The following KCNB2 variants were observed in gnomAD, a reference collection of about 807,000 sequenced individuals.
The protein encoded by KCNB2 is delayed rectifier potassium channel protein.
A neutral mutation model predicts 61.5 loss-of-function variants in KCNB2; 15 were observed. The ratio of observed to expected loss-of-function variants is 0.24; its 90% CI spans 0.16 to 0.38. The LOEUF (loss-of-function observed/expected upper bound fraction) is 0.38. KCNB2 is among the 10% of genes least tolerant of loss of function. The pLI is 1.00. For missense variants in KCNB2, 828 were observed against 1,125.2 expected, an observed-to-expected ratio of 0.74 and a Z score of 3.78; for synonymous variants, 457 against 446.0, an observed-to-expected ratio of 1.02 and a Z score of -0.31.
In KCNB2 at chr8:72,537,415, C is replaced by T. The variant is rs927951069; in HGVS notation, c.-564C>T. 2 of 153,030 alleles carry T rather than the reference C, an allele frequency of 1.3e-5. No homozygotes were observed. Among genetic ancestry groups the T allele is most frequent in the Non-Finnish European group, 2.9e-5 (2 of 68,284 alleles). 9.5% of individuals were successfully genotyped at this position (153,030 alleles called of 1,614,324 possible). On this transcript the variant is annotated 5_prime_UTR_variant, in exon 1 of 3. Coordinates refer to ENST00000523207, the MANE Select transcript of KCNB2 (RefSeq NM_004770.3). ...CCGCCGCCGCTGCGCCTCGGGCAGC[C>T]CCAGCGAGCGGCAACTCCCGGGCTG...
intron 1 of KCNB2, among the ~76,000 whole-genome samples, chr8:72,550,199 A>G (rs1416461860): frequency 1.3e-5 from 2 of 152,252 alleles, no homozygotes; most frequent in African/African-American, 2.4e-5. Flanking sequence ...GGCACTTGCC[A>G]GTAATAGCCA....
At position 72,621,895 on chromosome 8, in the gene KCNB2, T is replaced by G. The variant is rs544461821; in HGVS notation, c.579+53582T>G. Among the ~76,000 whole-genome samples the G allele has an allele frequency of 4.6e-5, 7 of 152,366 alleles. 1 individual carries two copies. Among genetic ancestry groups the G allele is most frequent in the African/African-American group, 1.7e-4 (7 of 41,592 alleles). ...GGTCTTCATACATCTCATAAGTGTT[T>G]GTAGTATTCATGTAACCTCAAGCAT... On this transcript the variant is annotated intron_variant, in intron 2 of 2. Transcript: ENST00000523207.
chr8:72,842,960 T>C (rs779024463), intron 2 of KCNB2, among the ~76,000 whole-genome samples: 9 of 152,210 alleles, frequency 5.9e-5, no homozygotes, highest in Non-Finnish European at 1.2e-4. Flanking sequence ...ATCTTAGTTA[T>C]TATTTGCCTT....
rs573600217 is a variant in KCNB2, at chr8:72,649,200, G to C, written c.579+80887G>C. 4.6e-5 allele frequency among the ~76,000 whole-genome samples: 7 copies of C among 152,154 alleles called. 1 individual carries two copies. Among genetic ancestry groups the C allele is most frequent in the Admixed American group, 3.9e-4 (6 of 15,270 alleles). On this transcript the variant is annotated intron_variant, in intron 2 of 2. Transcript: ENST00000523207. ...GACATCTTCTCACTCATAGCTTTCA[G>C]AACTTTTTCACTTTGGATTTATGGA...
intron 2 of KCNB2, among the ~76,000 whole-genome samples, chr8:72,867,084 G>A (rs1404433085): frequency 6.6e-6 from 1 of 152,168 alleles, no homozygotes; most frequent in African/African-American, 2.4e-5. Context: ...CATATAGTAG[G>A]AGTTTAATAA....
intron 2 of KCNB2, among the ~76,000 whole-genome samples, chr8:72,688,504 A>G (rs1806890895): frequency 1.3e-5 from 2 of 152,046 alleles, no homozygotes; most frequent in South Asian, 4.2e-4. Context: ...CCTTCATGAT[A>G]GTATTCACCA....
intron 2 of KCNB2, among the ~76,000 whole-genome samples, chr8:72,607,093 A>C (rs1585780862): frequency 6.6e-6 from 1 of 152,130 alleles, no homozygotes; most frequent in South Asian, 2.1e-4. Context: ...AGAACTGGGT[A>C]CCTGCCTCAA....
At chr8:72,691,886 TG>T in intron 2 of KCNB2, among the ~76,000 whole-genome samples, 1 of 152,308 alleles carries the variant, frequency 6.6e-6, no homozygotes, top group Non-Finnish European at 1.5e-5. Context: ...AATACAGAAA[TG>T]GGCAGTAAGC....
rs527413188 is a variant in KCNB2 at position 72,565,376 on chromosome 8, G to C, written c.-93-2266G>C. On this transcript the variant is annotated intron_variant, in intron 1 of 2. Transcript: ENST00000523207. The stretch of plus-strand genomic sequence containing the variant: ...AGAAATTGGTGTGTATCCTAGAAGA[G>C]AGTTCTAATTATAAGGACCTCTTAA... 8.5e-5 allele frequency among the ~76,000 whole-genome samples: 13 copies of C among 152,256 alleles called. No individual in the cohort carries two copies. In the South Asian group the frequency reaches 2.7e-3, roughly 32 times the overall value.
At chr8:72,932,820 T>A (rs1374721131) in intron 2 of KCNB2, among the ~76,000 whole-genome samples, 1 of 152,166 alleles carries the variant, frequency 6.6e-6, no homozygotes, top group African/African-American at 2.4e-5. Flanking sequence ...AAGCAAAATT[T>A]CACATTTATT....
chr8:72,771,943 G>C (rs1166494161), intron 2 of KCNB2, among the ~76,000 whole-genome samples: 1 of 152,120 alleles, frequency 6.6e-6, no homozygotes, highest in African/African-American at 2.4e-5. Flanking sequence ...AGATTCCATG[G>C]AAAGCCACAG....
chr8:72,794,825 T>C (rs1329162374), intron 2 of KCNB2, among the ~76,000 whole-genome samples: 2 of 152,180 alleles, frequency 1.3e-5, no homozygotes, highest in East Asian at 1.9e-4. Context: ...GTCATTGAGA[T>C]GGCTTAAGAG....
chr8:72,552,087 G>A (rs908599516), intron 1 of KCNB2, among the ~76,000 whole-genome samples: 1 of 152,076 alleles, frequency 6.6e-6, no homozygotes, highest in Non-Finnish European at 1.5e-5. Flanking sequence ...TTCTTGACAA[G>A]GACCAAGATG....
chr8:72,916,159 AATG>A (rs1324240253), intron 2 of KCNB2, among the ~76,000 whole-genome samples: 1 of 152,194 alleles, frequency 6.6e-6, no homozygotes, highest in Admixed American at 6.5e-5. Flanking sequence ...TTGTGCAAAA[AATG>A]ATATTAATTT....
At chr8:72,839,893 G>A (rs1030351429) in intron 2 of KCNB2, among the ~76,000 whole-genome samples, 4 of 151,696 alleles carry the variant, frequency 2.6e-5, no homozygotes, top group Non-Finnish European at 5.9e-5. Context: ...GATTACAGGC[G>A]TGAGCCACCG....
intron 2 of KCNB2, among the ~76,000 whole-genome samples, chr8:72,809,743 A>G (rs1255110877): frequency 1.3e-5 from 2 of 152,196 alleles, no homozygotes; most frequent in Admixed American, 6.5e-5. Context: ...TATACCATGG[A>G]TGGAATCAGA....
chr8:72,920,081 ATT>A (rs1273822248), intron 2 of KCNB2, among the ~76,000 whole-genome samples: 1 of 152,146 alleles, frequency 6.6e-6, no homozygotes, highest in African/African-American at 2.4e-5. Flanking sequence ...GTTTAAAACT[ATT>A]GAGTCAATTA....
intron 2 of KCNB2, among the ~76,000 whole-genome samples, chr8:72,607,542 G>C (rs114569229): frequency 2.6e-5 from 4 of 152,176 alleles, no homozygotes; most frequent in Non-Finnish European, 4.4e-5. Flanking sequence ...ATATTGAAAT[G>C]TATGAAGAAT....
intron 2 of KCNB2, among the ~76,000 whole-genome samples, chr8:72,755,861 A>G (rs995183572): frequency 1.3e-5 from 2 of 152,138 alleles, no homozygotes; most frequent in East Asian, 3.9e-4. Flanking sequence ...ACTCACTACA[A>G]CACCTCCCTG....
Sources: gnomAD v4.1 joint callset for allele counts (sites outside exome capture counted in the v4.1 genomes callset) on GRCh38, gnomAD v4.1.1 for gene constraint, MANE v1.5 for transcripts, NCBI Gene and HGNC (gene_info 2026-07-23, HGNC 2026-07-21) for gene names.